ZNF141: variants seen among roughly 807,000 people sequenced by gnomAD.
ZNF141 encodes the protein zinc finger protein 141 (clone pHZ-44).
In ZNF141, 7 loss-of-function variants were observed where a neutral mutation model predicts 11.3. That is an observed-to-expected ratio of 0.62 (90% CI 0.35 to 1.16). The LOEUF (loss-of-function observed/expected upper bound fraction) is 1.16, where lower values mean the gene tolerates loss of function less well. Ranked by LOEUF, ZNF141 falls within the 50% of genes most tolerant of loss-of-function variation. The pLI is 0.02. For synonymous variants in ZNF141, 183 were observed against 190.7 expected (o/e 0.96, Z 0.33); for missense variants, 535 against 554.0 (o/e 0.97, Z 0.34).
At chr4:369,229 A>C (rs564837974) in intron 3 of ZNF141, among the ~76,000 whole-genome samples, 1 of 152,296 alleles carries the variant, frequency 6.6e-6, no homozygotes, top group East Asian at 1.9e-4. Context: ...GGTTCTAAGT[A>C]AATGAACTTG....
chr4:350,452 T>C (rs1198631376), intron 3 of ZNF141, among the ~76,000 whole-genome samples: 1 of 152,248 alleles, frequency 6.6e-6, no homozygotes, highest in Admixed American at 6.5e-5. Context: ...GACAAGACAT[T>C]TTCATTTGAA....
In ZNF141 at chr4:383,754, A is replaced by G. The variant is rs1276915995; in HGVS notation, c.*9892A>G. ...GCCTTGGAGTGGCCGTGGGCCAAGC[A>G]CAGGCCATGCCTTCATCTGCATAGG... is the stretch of plus-strand genomic sequence containing the variant. On this transcript the variant is annotated 3_prime_UTR_variant, in exon 4 of 4. Coordinates refer to ENST00000240499, the MANE Select transcript of ZNF141 (RefSeq NM_003441.4). The G allele has an allele frequency of 6.6e-6, 1 of 152,482 alleles. No individual in the cohort carries two copies. Among genetic ancestry groups the G allele is most frequent in the African/African-American group, 2.4e-5 (1 of 41,476 alleles). 9.4% of individuals were successfully genotyped at this position (152,482 alleles called of 1,614,324 possible).
At chr4:348,728 C>CAAA (rs200772158) in intron 3 of ZNF141, among the ~76,000 whole-genome samples, 4 of 85,860 alleles carry the variant, frequency 4.7e-5, no homozygotes, top group Admixed American at 1.3e-4. Context: ...GACTCCATCT[C>CAAA]AAAAAAAAAA....
chr4:354,404 T>C (rs1336984751), intron 3 of ZNF141, among the ~76,000 whole-genome samples: 4 of 152,216 alleles, frequency 2.6e-5, no homozygotes, highest in Non-Finnish European at 5.9e-5. Flanking sequence ...TTATTGTAAA[T>C]GTAAATGCAA....
intron 3 of ZNF141, among the ~76,000 whole-genome samples, chr4:366,110 T>G (rs1581617108): frequency 6.6e-6 from 1 of 152,162 alleles, no homozygotes; most frequent in Non-Finnish European, 1.5e-5. Context: ...CCTTTGCTAT[T>G]TGGGGGTCTT....
chr4:343,706 C>T lies in ZNF141; in HGVS notation c.4-76C>T, dbSNP rs1721170476. ...CGCCGCTGCACTCCAGCCTGGGTGA[C>T]AGAGCGAGACTCCGTCTCAAAAAAA... On this transcript the variant is annotated intron_variant, in intron 1 of 3. Coordinates refer to ENST00000240499, the MANE Select transcript of ZNF141 (RefSeq NM_003441.4). 3.9e-6 allele frequency: 5 copies of T among 1,272,210 alleles called. No individual in the cohort carries two copies. In the Admixed American group the frequency reaches 1.5e-4, roughly 37 times the overall value. 78.8% of individuals were successfully genotyped at this position (1,272,210 alleles called of 1,614,324 possible).
chr4:364,778 A>G (rs1259292687), intron 3 of ZNF141, among the ~76,000 whole-genome samples: 2 of 152,164 alleles, frequency 1.3e-5, no homozygotes, highest in East Asian at 1.9e-4. Context: ...GTTAGGCTAC[A>G]TAGGGGTCAG....
chr4:356,932 C>CATA (rs1721869978), intron 3 of ZNF141, among the ~76,000 whole-genome samples: 2 of 151,834 alleles, frequency 1.3e-5, no homozygotes, highest in South Asian at 2.1e-4. Flanking sequence ...TGAAACCTCT[C>CATA]ATTTTAAAAT....
intron 3 of ZNF141, chr4:358,515 A>G (rs782344290): frequency 7.6e-5 from 13 of 170,956 alleles, no homozygotes; most frequent in Non-Finnish European, 1.6e-4. Flanking sequence ...CATTTTGTTC[A>G]TGCATTGTTG....
At chr4:342,561 A>C (rs907035943) in intron 1 of ZNF141, among the ~76,000 whole-genome samples, 7 of 152,180 alleles carry the variant, frequency 4.6e-5, no homozygotes, top group Non-Finnish European at 1.5e-5. Context: ...AACCTGCAGA[A>C]TTTTGTTACT....
chr4:344,471 A>G lies in ZNF141; in HGVS notation c.226+41A>G, dbSNP rs76915575. On this transcript the variant is annotated intron_variant, in intron 3 of 3. Transcript: ENST00000240499. ...TGGAGGAGAGGGCACAGGCAAGGGG[A>G]CCAAAGGTCAAGAAGGAAGCCAGGC... is the stretch of plus-strand genomic sequence containing the variant. The G allele has an allele frequency of 1.9e-6, 3 of 1,555,196 alleles. No individual in the cohort carries two copies. The South Asian group carries it at 3.4e-5, about 18-fold the overall frequency.
At chr4:345,846 T>A (rs1443119727) in intron 3 of ZNF141, among the ~76,000 whole-genome samples, 2 of 152,096 alleles carry the variant, frequency 1.3e-5, no homozygotes, top group African/African-American at 4.8e-5. Flanking sequence ...TTAAAGTATC[T>A]ACTCACCTTC....
intron 3 of ZNF141, 144 bp downstream of exon 3, chr4:344,574 T>A: frequency 1.8e-6 from 1 of 553,966 alleles, no homozygotes; most frequent in Non-Finnish European, 3.2e-6. Flanking sequence ...GGCAGGCGGA[T>A]CACGAGGTCA....
chr4:337,848 A>C lies in ZNF141; in HGVS notation c.-136A>C. On this transcript the variant is annotated 5_prime_UTR_variant, in exon 1 of 4. Transcript: ENST00000240499. ...TCTGGCTACTACCAGACCGCGGGTT[A>C]GGGGCTTCATCTCTCTGCGTTCTCA... 8.4e-7 allele frequency: 1 copy of C among 1,192,288 alleles called. No homozygotes were observed. The highest frequency in any genetic ancestry group is 1.2e-6 in the Non-Finnish European group (1 of 816,246). 73.9% of individuals were successfully genotyped at this position (1,192,288 alleles called of 1,614,324 possible).
intron 3 of ZNF141, among the ~76,000 whole-genome samples, 158 bp downstream of exon 3, chr4:344,588 G>C (rs1394351691): frequency 6.6e-6 from 1 of 152,110 alleles, no homozygotes; most frequent in Admixed American, 6.5e-5. Context: ...GAGGTCAAGA[G>C]ATCGAGATCA....
At chr4:338,235 G>C (rs1720884834) in intron 1 of ZNF141, 1 of 462,298 alleles carries the variant, frequency 2.2e-6, no homozygotes, top group Admixed American at 3.9e-5. Flanking sequence ...GGGGTGAGGA[G>C]TAGCTTATCT....
intron 3 of ZNF141, among the ~76,000 whole-genome samples, chr4:370,959 C>G (rs1421651346): frequency 1.3e-5 from 2 of 151,946 alleles, no homozygotes; most frequent in Admixed American, 1.3e-4. Context: ...GTCTCACTCT[C>G]CTGACCTCCT....
chr4:360,268 T>C (rs1046111359), intron 3 of ZNF141, among the ~76,000 whole-genome samples: 3 of 152,224 alleles, frequency 2.0e-5, no homozygotes, highest in Non-Finnish European at 2.9e-5. Flanking sequence ...TGTTCCGATA[T>C]GTTCTATGTC....
In ZNF141 at chr4:372,789, A is replaced by G; in HGVS notation, c.352A>G (p.Lys118Glu). ...HDNLQLRKGC[K>E]SLNECKLQKG... ...TAATTTACAATTAAGAAAAGGCTGT[A>G]AAAGTTTGAATGAGTGTAAGTTGCA... Residue 118 changes from lysine to glutamate, a missense_variant, in exon 4 of 4, where the codon AAA becomes GAA. Coordinates refer to ENST00000240499, the MANE Select transcript of ZNF141 (RefSeq NM_003441.4). 6.2e-7 allele frequency: 1 copy of G among 1,613,944 alleles called. No individual in the cohort carries two copies. The highest frequency in any genetic ancestry group is 8.5e-7 in the Non-Finnish European group (1 of 1,179,898).
Sources: gnomAD v4.1 joint callset for allele counts (sites outside exome capture counted in the v4.1 genomes callset) on GRCh38, gnomAD v4.1.1 for gene constraint, MANE v1.5 for transcripts, NCBI Gene and HGNC (gene_info 2026-07-23, HGNC 2026-07-21) for gene names.